DIP2C: variants seen among roughly 807,000 people sequenced by gnomAD.
The protein encoded by DIP2C is disco-interacting protein 2 homolog C.
Under a neutral mutation model 192.4 loss-of-function variants are expected in DIP2C, and 33 were observed. The observed-to-expected ratio is 0.17, with a 90% CI of 0.13 to 0.23. The LOEUF is 0.23. Ranked by LOEUF, DIP2C falls within the 10% of genes least tolerant of loss-of-function variation. The pLI is 1.00. For synonymous variants in DIP2C, 979 were observed against 864.1 expected, an observed-to-expected ratio of 1.13 and a Z score of -2.33; for missense variants, 1,537 against 2,110.1, an observed-to-expected ratio of 0.73 and a Z score of 5.32.
intron 1 of DIP2C, among the ~76,000 whole-genome samples, chr10:583,189 T>C (rs1487274797): frequency 6.6e-6 from 1 of 152,196 alleles, no homozygotes; most frequent in Non-Finnish European, 1.5e-5. Flanking sequence ...AAAAGAACGT[T>C]GTACTCCAAG....
rs550069161 is a variant in DIP2C, at chr10:570,376, G to A, written c.86-83846C>T. Among the ~76,000 whole-genome samples, 39 of 152,292 alleles carry A rather than the reference G, an allele frequency of 2.6e-4. 1 individual carries two copies. In the South Asian group the frequency reaches 7.5e-3, roughly 29 times the overall value. ...GCAAGCCCCACAAAGGCCTGGGCAT[G>A]ACCCCCAACCCCACACTCCCTAGGT... is the stretch of plus-strand genomic sequence containing the variant. On this transcript the variant is annotated intron_variant, in intron 1 of 36. Transcript: ENST00000280886.
intron 1 of DIP2C, among the ~76,000 whole-genome samples, chr10:617,914 T>C (rs959787045): frequency 4.7e-5 from 7 of 149,344 alleles, no homozygotes; most frequent in Non-Finnish European, 1.0e-4. Context: ...TTTACAGAAA[T>C]CCACTTTGAC....
chr10:650,316 T>C (rs762947845), intron 1 of DIP2C: 4 of 716,468 alleles, frequency 5.6e-6, no homozygotes, highest in South Asian at 1.5e-5. Flanking sequence ...TGCCCGGGGC[T>C]GTGGACCACG....
chr10:605,427 CT>C (rs1338169049), intron 1 of DIP2C, among the ~76,000 whole-genome samples: 1 of 152,178 alleles, frequency 6.6e-6, no homozygotes, highest in East Asian at 1.9e-4. Flanking sequence ...AATAAAATTC[CT>C]TACAGAAAAA....
intron 26 of DIP2C, among the ~76,000 whole-genome samples, chr10:345,398 A>G (rs1405968429): frequency 1.3e-5 from 2 of 152,034 alleles, no homozygotes; most frequent in Non-Finnish European, 2.9e-5. Context: ...TCACACCATT[A>G]GATCTGTTCT....
rs1962702949 is a variant in DIP2C, at chr10:384,542, C to T, written c.1756+4G>A. 1 of 1,613,432 alleles carries T rather than the reference C, an allele frequency of 6.2e-7. No homozygotes were observed. Among genetic ancestry groups the T allele is most frequent in the Admixed American group, 1.7e-5 (1 of 59,988 alleles). On this transcript the variant is annotated splice_donor_region_variant and intron_variant, in intron 15 of 36. Coordinates refer to ENST00000280886, the MANE Select transcript of DIP2C (RefSeq NM_014974.3). ...TGTGAGCCACTGCGCCCGGCGAGAC[C>T]CACCTTTGTACTGGCAGACCTTCTG...
chr10:595,847 A>G (rs1029051113), intron 1 of DIP2C, among the ~76,000 whole-genome samples: 136 of 152,346 alleles, frequency 8.9e-4, no homozygotes, highest in African/African-American at 2.9e-3. Flanking sequence ...CGCACTTACT[A>G]CTTGTGTCAT....
intron 3 of DIP2C, among the ~76,000 whole-genome samples, chr10:472,081 T>C (rs1487211287): frequency 2.0e-5 from 3 of 152,090 alleles, no homozygotes; most frequent in Non-Finnish European, 2.9e-5. Flanking sequence ...TTTAGAAAAG[T>C]AGACCTAGAA....
intron 1 of DIP2C, among the ~76,000 whole-genome samples, chr10:617,651 T>G (rs1853561136): frequency 7.2e-6 from 1 of 138,020 alleles, no homozygotes. Flanking sequence ...CTCCTGTGGA[T>G]ACCACCCCCC....
chr10:394,005 T>C (rs1029076573), intron 10 of DIP2C, among the ~76,000 whole-genome samples: 1 of 152,142 alleles, frequency 6.6e-6, no homozygotes, highest in African/African-American at 2.4e-5. Context: ...GGTATGGAGA[T>C]TTCTCAAAAA....
intron 2 of DIP2C, chr10:484,880 G>T: frequency 6.2e-7 from 1 of 1,611,846 alleles, no homozygotes; most frequent in Non-Finnish European, 8.5e-7. Flanking sequence ...TGGGCAGAGC[G>T]GAATGTTCTC....
chr10:471,349 G>A (rs930190694), intron 3 of DIP2C, among the ~76,000 whole-genome samples: 1 of 152,144 alleles, frequency 6.6e-6, no homozygotes, highest in African/African-American at 2.4e-5. Context: ...CTAATCACAT[G>A]AGCCTGCATG....
At position 363,117 on chromosome 10, in the gene DIP2C, G is replaced by T; in HGVS notation, c.2592+80C>A. 1 of 1,298,814 alleles carries T rather than the reference G, an allele frequency of 7.7e-7. No individual in the cohort carries two copies. The highest frequency in any genetic ancestry group is 1.3e-5 in the South Asian group (1 of 77,314). 80.5% of individuals were successfully genotyped at this position (1,298,814 alleles called of 1,614,324 possible). A position where few individuals can be genotyped will look rare whatever the true frequency, so the allele number is the denominator to read the frequency against. ...CCACCCCATGGGCAAAGCAACAGCT[G>T]GTCACACCATGATCTGAATGAAGTA... On this transcript the variant is annotated intron_variant, in intron 21 of 36. Coordinates refer to ENST00000280886, the MANE Select transcript of DIP2C (RefSeq NM_014974.3). This position sits in a 1 kb window ranked among gnomAD's most constrained non-coding sequence, Gnocchi z 5.4.
intron 1 of DIP2C, chr10:664,483 C>T (rs554004828): frequency 3.2e-4 from 48 of 152,298 alleles, no homozygotes; most frequent in African/African-American, 1.1e-3. Flanking sequence ...CGTCCCTTTT[C>T]GTAACACTGG....
intron 1 of DIP2C, among the ~76,000 whole-genome samples, chr10:583,692 A>G (rs1564230538): frequency 2.0e-5 from 3 of 152,228 alleles, no homozygotes; most frequent in African/African-American, 7.2e-5. Flanking sequence ...AGCCGGAAGC[A>G]GTTCTGCCAC....
At chr10:549,940 TCCC>T (rs1195748054) in intron 1 of DIP2C, among the ~76,000 whole-genome samples, 2 of 150,388 alleles carry the variant, frequency 1.3e-5, no homozygotes, top group African/African-American at 4.9e-5. Flanking sequence ...CAATGCAGAG[TCCC>T]CAACACAAGG....
chr10:540,905 T>C (rs1382477328), intron 1 of DIP2C, among the ~76,000 whole-genome samples: 4 of 152,166 alleles, frequency 2.6e-5, no homozygotes, highest in African/African-American at 9.7e-5. Flanking sequence ...AAGCATGCAT[T>C]AGACACAGCA....
At chr10:305,989 A>G (rs1476169621) in intron 32 of DIP2C, among the ~76,000 whole-genome samples, 4 of 97,808 alleles carry the variant, frequency 4.1e-5, no homozygotes, top group Admixed American at 9.9e-5. Context: ...ATATATATAT[A>G]TATATTATAT....
chr10:495,100 T>C (rs1438366296), intron 1 of DIP2C, among the ~76,000 whole-genome samples: 1 of 152,208 alleles, frequency 6.6e-6, no homozygotes, highest in Non-Finnish European at 1.5e-5. Context: ...TGGAAGATAT[T>C]ACGCTAAGTG....
Sources: gnomAD v4.1 joint callset for allele counts (sites outside exome capture counted in the v4.1 genomes callset) on GRCh38, gnomAD v4.1.1 for gene constraint, Gnocchi (gnomAD v3.1) non-coding constraint, MANE v1.5 for transcripts, NCBI Gene and HGNC (gene_info 2026-07-23, HGNC 2026-07-21) for gene names.